The following ATRNL1 variants were observed in gnomAD, a reference collection of about 807,000 sequenced individuals.
ATRNL1 encodes the protein attractin-like protein 1.
ATRNL1 carries 95 observed loss-of-function variants against 182.7 expected under a neutral mutation model. That is an observed-to-expected ratio of 0.52 (90% confidence interval 0.44 to 0.62). The LOEUF (loss-of-function observed/expected upper bound fraction) is 0.62, where lower values mean the gene tolerates loss of function less well. Ranked by LOEUF, ATRNL1 falls within the 20% of genes least tolerant of loss-of-function variation. The probability of loss-of-function intolerance (pLI) is 0.00; values close to 1 mark genes in which losing one functional copy is unlikely to be tolerated. For synonymous variants in ATRNL1, 576 were observed against 568.3 expected (o/e 1.01, Z -0.19); for missense variants, 1,471 against 1,679.5 (o/e 0.88, Z 2.17).
intron 27 of ATRNL1, among the ~76,000 whole-genome samples, chr10:115,747,398 C>A (rs186073213): frequency 6.6e-6 from 1 of 152,178 alleles, no homozygotes; most frequent in East Asian, 1.9e-4. Context: ...AAGATATTGG[C>A]CCCATCTTGC....
At chr10:115,386,450 G>A (rs1858354013) in intron 19 of ATRNL1, among the ~76,000 whole-genome samples, 1 of 152,032 alleles carries the variant, frequency 6.6e-6, no homozygotes, top group Non-Finnish European at 1.5e-5. Flanking sequence ...ATCCAGTTGA[G>A]GGTGTTCAAG....
Position 115,871,469 on chromosome 10 carries a change from T to TTATATATATATATATATATA in ATRNL1, c.4018+23479_4018+23480insATATATATATATATATATAT, listed in dbSNP as rs1162576615. Among the ~76,000 whole-genome samples the TTATATATATATATATATATA allele has an allele frequency of 3.4e-4, 47 of 140,292 alleles. 1 individual carries two copies. The highest frequency in any genetic ancestry group is 8.5e-4 in the African/African-American group (32 of 37,832). 92.0% of individuals were successfully genotyped at this position (140,292 alleles called of 152,430 possible). A position where few individuals can be genotyped will look rare whatever the true frequency, so the allele number is the denominator to read the frequency against. On this transcript the variant is annotated intron_variant, in intron 28 of 28. Transcript: ENST00000355044. ...TCCTAGAAAGGCCTGGTCAGATTCT[T>TTATATATATATATATATATA]TGTGTGTGTGTATATATATATATAT...
At chr10:115,261,852 C>G (rs1851405615) in intron 10 of ATRNL1, among the ~76,000 whole-genome samples, 1 of 151,880 alleles carries the variant, frequency 6.6e-6, no homozygotes. Flanking sequence ...GGCAATACAG[C>G]CTAGGCAATA....
intron 26 of ATRNL1, among the ~76,000 whole-genome samples, chr10:115,606,814 A>C (rs189936627): frequency 6.6e-6 from 1 of 152,148 alleles, no homozygotes; most frequent in African/African-American, 2.4e-5. Flanking sequence ...AAATGCTTTA[A>C]ATCAGTTTAT....
intron 21 of ATRNL1, among the ~76,000 whole-genome samples, chr10:115,450,056 C>T (rs1464439625): frequency 6.6e-6 from 1 of 152,114 alleles, no homozygotes; most frequent in African/African-American, 2.4e-5. Context: ...ACAGAAACAA[C>T]ATGATTATCT....
intron 7 of ATRNL1, among the ~76,000 whole-genome samples, chr10:115,166,752 T>C (rs1167515344): frequency 6.6e-6 from 1 of 152,102 alleles, no homozygotes; most frequent in Non-Finnish European, 1.5e-5. Context: ...TGGGTTGTTT[T>C]GTTTGGTTGT....
At chr10:115,367,339 G>A (rs1380891581) in intron 19 of ATRNL1, among the ~76,000 whole-genome samples, 2 of 138,628 alleles carry the variant, frequency 1.4e-5, no homozygotes, top group African/African-American at 5.2e-5. Context: ...CATTCTTCAC[G>A]TAGTTCTCGA....
At chr10:115,364,817 T>G (rs1392690418) in intron 19 of ATRNL1, among the ~76,000 whole-genome samples, 1 of 151,190 alleles carries the variant, frequency 6.6e-6, no homozygotes, top group Non-Finnish European at 1.5e-5. Context: ...TATGCTGGAT[T>G]ACATTTATTG....
chr10:115,812,723 C>CTGTTG (rs1555087387), intron 27 of ATRNL1, among the ~76,000 whole-genome samples: 1 of 152,046 alleles, frequency 6.6e-6, no homozygotes, highest in African/African-American at 2.4e-5. Context: ...TTGATCCACC[C>CTGTTG]ACCTCGACCT....
chr10:115,127,083 T>C (rs1845006726), intron 3 of ATRNL1, among the ~76,000 whole-genome samples: 1 of 152,158 alleles, frequency 6.6e-6, no homozygotes, highest in South Asian at 2.1e-4. Flanking sequence ...TTTTTTGAAG[T>C]AAATATTTTA....
At chr10:115,320,675 G>A (rs919980104) in intron 18 of ATRNL1, among the ~76,000 whole-genome samples, 4 of 151,560 alleles carry the variant, frequency 2.6e-5, no homozygotes, top group East Asian at 1.9e-4. Context: ...CTTCCACTTC[G>A]TCACTTCGGC....
At chr10:115,539,120 T>C (rs1305640397) in intron 25 of ATRNL1, among the ~76,000 whole-genome samples, 1 of 152,238 alleles carries the variant, frequency 6.6e-6, no homozygotes, top group South Asian at 2.1e-4. Flanking sequence ...CATATCCCCA[T>C]TAGTAAGTGA....
intron 26 of ATRNL1, among the ~76,000 whole-genome samples, chr10:115,695,887 A>G (rs1294607947): frequency 1.3e-5 from 2 of 151,794 alleles, no homozygotes; most frequent in Non-Finnish European, 2.9e-5. Flanking sequence ...TCCATGGTGT[A>G]TATGTACAAC....
chr10:115,276,047 T>C (rs1852091097), intron 13 of ATRNL1, among the ~76,000 whole-genome samples: 1 of 152,102 alleles, frequency 6.6e-6, no homozygotes, highest in African/African-American at 2.4e-5. Context: ...TCCAATACTT[T>C]TACCGTTCTG....
chr10:115,201,445 A>G (rs1270549266), intron 8 of ATRNL1, among the ~76,000 whole-genome samples: 15 of 152,260 alleles, frequency 9.9e-5, no homozygotes, highest in African/African-American at 3.6e-4. Flanking sequence ...AGCTTTCTAC[A>G]TATGGCTAGC....
intron 24 of ATRNL1, among the ~76,000 whole-genome samples, chr10:115,489,310 A>T (rs1483549241): frequency 6.6e-6 from 1 of 152,082 alleles, no homozygotes; most frequent in African/African-American, 2.4e-5. Flanking sequence ...GATCTGTCTA[A>T]TATTGACAGT....
At chr10:115,516,290 T>G (rs1466124400) in intron 24 of ATRNL1, among the ~76,000 whole-genome samples, 1 of 151,874 alleles carries the variant, frequency 6.6e-6, no homozygotes, top group Admixed American at 6.6e-5. Flanking sequence ...TAGTCATGAC[T>G]GATTCTTCTC....
chr10:115,335,386 C>G (rs1203710951), intron 19 of ATRNL1, among the ~76,000 whole-genome samples: 1 of 152,084 alleles, frequency 6.6e-6, no homozygotes, highest in Non-Finnish European at 1.5e-5. Context: ...CATATTAGAA[C>G]CAGCTGGAAA....
rs1470855871 is a variant in ATRNL1, at chr10:115,662,401, G to A, written c.3796-64847G>A. 2.0e-5 allele frequency among the ~76,000 whole-genome samples: 3 copies of A among 152,002 alleles called. 1 individual carries two copies. The highest frequency in any genetic ancestry group is 4.4e-5 in the Non-Finnish European group (3 of 68,012). The stretch of plus-strand genomic sequence containing the variant: ...GTTCAACCATTGTGGAAGTCAGTGT[G>A]GCGATTCCTCAGGGATCTAGAACTA... On this transcript the variant is annotated intron_variant, in intron 26 of 28. Transcript: ENST00000355044.
Sources: gnomAD v4.1 joint callset for allele counts (sites outside exome capture counted in the v4.1 genomes callset) on GRCh38, gnomAD v4.1.1 for gene constraint, MANE v1.5 for transcripts, NCBI Gene and HGNC (gene_info 2026-07-23, HGNC 2026-07-21) for gene names.